DOK5: variants seen among roughly 807,000 people sequenced by gnomAD.
The protein encoded by DOK5 is docking protein 5.
Under a neutral mutation model 43.3 loss-of-function variants are expected in DOK5, and 27 were observed. The observed-to-expected ratio is 0.62, with a 90% CI of 0.46 to 0.86. DOK5 has a LOEUF of 0.86. DOK5 is among the 40% of genes least tolerant of loss of function. DOK5 has a pLI of 0.00. For missense variants in DOK5, 373 were observed against 392.9 expected (o/e 0.95, Z 0.43); for synonymous variants, 146 against 140.1 (o/e 1.04, Z -0.30).
intron 2 of DOK5, among the ~76,000 whole-genome samples, chr20:54,575,389 G>A (rs1240446472): frequency 6.6e-6 from 1 of 152,112 alleles, no homozygotes; most frequent in East Asian, 1.9e-4. Context: ...AGGAACTATT[G>A]CCTATTTTCT....
At chr20:54,552,051 C>T (rs1984547926) in intron 1 of DOK5, among the ~76,000 whole-genome samples, 1 of 152,142 alleles carries the variant, frequency 6.6e-6, no homozygotes, top group South Asian at 2.1e-4. Context: ...TGGTCTCAAA[C>T]TCCTGGCCTC....
chr20:54,565,632 C>T (rs535212253), intron 2 of DOK5, among the ~76,000 whole-genome samples: 1 of 152,288 alleles, frequency 6.6e-6, no homozygotes, highest in South Asian at 2.1e-4. Flanking sequence ...ACATAATCTA[C>T]ATGTATATTT....
In DOK5 at chr20:54,475,713, C is replaced by T. The variant is rs1445557368; in HGVS notation, c.-234C>T. ...CGCCGGCGCTCCAGCCTCGCCTCCC[C>T]GCGCCGCGCTCTGCGCTCCCCGAAA... On this transcript the variant is annotated 5_prime_UTR_variant, in exon 1 of 8. Transcript: ENST00000262593. This position sits in a 1 kb window ranked among gnomAD's most constrained non-coding sequence, Gnocchi z 4.2. 11 of 586,184 alleles carry T rather than the reference C, an allele frequency of 1.9e-5. No individual in the cohort carries two copies. The highest frequency in any genetic ancestry group is 8.6e-5 in the South Asian group (4 of 46,418). The allele number at this position is 586,184 out of a possible 1,614,324, so 36.3% of individuals were successfully genotyped here.
At chr20:54,542,115 C>CACACACACACACACAT (rs1568774908) in intron 1 of DOK5, among the ~76,000 whole-genome samples, 1 of 151,546 alleles carries the variant, frequency 6.6e-6, no homozygotes, top group African/African-American at 2.4e-5. Flanking sequence ...CACACACACA[C>CACACACACACACACAT]ACACACACAC....
At chr20:54,644,721 A>C (rs13040553) in intron 7 of DOK5, among the ~76,000 whole-genome samples, 1 of 63,636 alleles carries the variant, frequency 1.6e-5, no homozygotes, top group Non-Finnish European at 4.6e-5. Context: ...AAAAAAAAAA[A>C]AAACAAAATT....
intron 1 of DOK5, among the ~76,000 whole-genome samples, chr20:54,517,881 C>G (rs981485431): frequency 4.3e-4 from 65 of 152,172 alleles, no homozygotes; most frequent in African/African-American, 1.6e-3. Context: ...GGGCCCTCAC[C>G]AGATGCTGAA....
At chr20:54,614,617 A>G (rs921347862) in intron 6 of DOK5, among the ~76,000 whole-genome samples, 1 of 152,230 alleles carries the variant, frequency 6.6e-6, no homozygotes, top group Non-Finnish European at 1.5e-5. Context: ...AATCAGGAAT[A>G]TGAGTAAATC....
chr20:54,612,443 A>C (rs760910510), intron 6 of DOK5, among the ~76,000 whole-genome samples: 1 of 152,116 alleles, frequency 6.6e-6, no homozygotes, highest in Non-Finnish European at 1.5e-5. Flanking sequence ...ATTTGGTTAA[A>C]CTTTCTTGTG....
chr20:54,639,446 A>G (rs1051838776), intron 6 of DOK5, among the ~76,000 whole-genome samples: 9 of 152,220 alleles, frequency 5.9e-5, no homozygotes, highest in African/African-American at 1.9e-4. Context: ...TCTGGTTGTA[A>G]ATAGGCATAC....
intron 1 of DOK5, among the ~76,000 whole-genome samples, chr20:54,480,943 C>CAA (rs1568746092): frequency 2.3e-5 from 3 of 132,962 alleles, no homozygotes; most frequent in African/African-American, 1.0e-4. Flanking sequence ...TATCATCTAT[C>CAA]TATCTATCAT....
At chr20:54,537,092 C>G (rs1022215223) in intron 1 of DOK5, among the ~76,000 whole-genome samples, 1 of 152,172 alleles carries the variant, frequency 6.6e-6, no homozygotes, top group Non-Finnish European at 1.5e-5. Flanking sequence ...GAATCCCTAC[C>G]ACCCCAACCC....
chr20:54,509,659 G>A (rs1023050030), intron 1 of DOK5, among the ~76,000 whole-genome samples: 1 of 152,228 alleles, frequency 6.6e-6, no homozygotes, highest in Non-Finnish European at 1.5e-5. Flanking sequence ...AAGCAAGATA[G>A]TGATGAGAGC....
At chr20:54,485,349 G>T in intron 1 of DOK5, among the ~76,000 whole-genome samples, 1 of 130,830 alleles carries the variant, frequency 7.6e-6, no homozygotes, top group African/African-American at 3.1e-5. Flanking sequence ...GTAAGACTCC[G>T]TCTCAAAAAA....
chr20:54,607,868 G>A (rs1986519696), intron 5 of DOK5, among the ~76,000 whole-genome samples: 1 of 150,570 alleles, frequency 6.6e-6, no homozygotes, highest in South Asian at 2.1e-4. Context: ...GGGCGACAGA[G>A]CGAGACTCCA....
intron 1 of DOK5, among the ~76,000 whole-genome samples, chr20:54,484,116 C>T (rs757001595): frequency 2.0e-5 from 3 of 152,146 alleles, no homozygotes; most frequent in Non-Finnish European, 2.9e-5. Flanking sequence ...TGGTGGCTCA[C>T]GTCTGTAATC....
intron 1 of DOK5, among the ~76,000 whole-genome samples, chr20:54,494,231 G>A (rs1312433400): frequency 6.6e-6 from 1 of 152,196 alleles, no homozygotes; most frequent in Non-Finnish European, 1.5e-5. Flanking sequence ...TACTCTTAAT[G>A]TTCAGTGGAC....
intron 2 of DOK5, among the ~76,000 whole-genome samples, chr20:54,588,189 T>TAAAGAAAAAAGAAAAACC (rs1985869515): frequency 6.6e-6 from 1 of 151,958 alleles, no homozygotes; most frequent in African/African-American, 2.4e-5. Context: ...TTTGAAAAAC[T>TAAAGAAAAAAGAAAAACC]AAAGAAAAAA....
chr20:54,612,980 G>T (rs1986697510), intron 6 of DOK5, among the ~76,000 whole-genome samples: 1 of 152,162 alleles, frequency 6.6e-6, no homozygotes. Context: ...GTTTAAGTGA[G>T]ATATGCTCAT....
At chr20:54,517,310 T>G (rs1482661432) in intron 1 of DOK5, among the ~76,000 whole-genome samples, 1 of 152,208 alleles carries the variant, frequency 6.6e-6, no homozygotes, top group Non-Finnish European at 1.5e-5. Flanking sequence ...TCAGATGCTA[T>G]TTTACAGAAG....
Sources: gnomAD v4.1 joint callset for allele counts (sites outside exome capture counted in the v4.1 genomes callset) on GRCh38, gnomAD v4.1.1 for gene constraint, Gnocchi (gnomAD v3.1) non-coding constraint, MANE v1.5 for transcripts, NCBI Gene and HGNC (gene_info 2026-07-23, HGNC 2026-07-21) for gene names.